Variants in AIG1 observed in about 807,000 individuals in gnomAD.
AIG1 encodes androgen-induced gene 1 protein.
In AIG1, 23 loss-of-function variants were observed where a neutral mutation model predicts 31.4. The ratio of observed to expected loss-of-function variants is 0.73; its 90% CI spans 0.53 to 1.04. The LOEUF is 1.04. Ranked by LOEUF, AIG1 falls within the 50% of genes least tolerant of loss-of-function variation. AIG1 has a pLI of 0.00. For missense variants in AIG1, 274 were observed against 295.0 expected (o/e 0.93, Z 0.52); for synonymous variants, 100 against 110.5 (o/e 0.90, Z 0.60).
rs374344989 is a variant in AIG1, at chr6:143,060,932, C to T, written c.7C>T (p.Leu3Phe). 6.2e-7 allele frequency: 1 copy of T among 1,609,328 alleles called. No homozygotes were observed. The highest frequency in any genetic ancestry group is 1.1e-5 in the South Asian group (1 of 90,914). Reference sequence around the variant, plus strand: ...GTCCAGGCCTCTGGCGAACATGGCGCTTGTCCCCTGCCAGGTGCTGCGGAT... The same window carrying T: ...GTCCAGGCCTCTGGCGAACATGGCGTTTGTCCCCTGCCAGGTGCTGCGGAT... MA[L>F]VPCQVLRMAI... Residue 3 changes from leucine to phenylalanine, a missense_variant, in exon 1 of 6, where the codon CTT becomes TTT. Physicochemically the swap from Leu to Phe is conservative, Grantham distance 22. Coordinates refer to ENST00000357847, the MANE Select transcript of AIG1 (RefSeq NM_016108.4).
Position 143,208,057 on chromosome 6 carries a change from T to C in AIG1, c.399+42874T>C, listed in dbSNP as rs536762599. Among the ~76,000 whole-genome samples the C allele has an allele frequency of 8.5e-5, 13 of 152,290 alleles. No homozygotes were observed. The South Asian group carries it at 2.7e-3, about 32-fold the overall frequency. ...TATGAAATGAGACCAGAATGCCATCTAAAGCGTGCTAAGGAATGCACTGTA... is the reference window on the plus strand; with the variant it reads ...TATGAAATGAGACCAGAATGCCATCCAAAGCGTGCTAAGGAATGCACTGTA... On this transcript the variant is annotated intron_variant, in intron 3 of 5. Coordinates refer to ENST00000357847, the MANE Select transcript of AIG1 (RefSeq NM_016108.4).
At chr6:143,263,943 C>G (rs1171331710) in intron 3 of AIG1, among the ~76,000 whole-genome samples, 1 of 152,128 alleles carries the variant, frequency 6.6e-6, no homozygotes, top group African/African-American at 2.4e-5. Flanking sequence ...GTTATTATTT[C>G]TTTAGCATAG....
At position 143,338,860 on chromosome 6, in the gene AIG1, G is replaced by A. The variant is rs949799776; in HGVS notation, c.680-779G>A. ...ATTGAAACAAAGAAACTGAGAATTT[G>A]GTATGATTCAAAAAATGTTTAGGTA... is the stretch of plus-strand genomic sequence containing the variant. On this transcript the variant is annotated intron_variant, in intron 5 of 5. Coordinates refer to ENST00000357847, the MANE Select transcript of AIG1 (RefSeq NM_016108.4). The surrounding 1 kb of genome is among the most constrained non-coding windows in gnomAD (Gnocchi z 4.3). 1 of 152,040 alleles carries A rather than the reference G, an allele frequency of 6.6e-6. No homozygotes were observed. The highest frequency in any genetic ancestry group is 2.4e-5 in the African/African-American group (1 of 41,408). 9.4% of individuals were successfully genotyped at this position (152,040 alleles called of 1,614,324 possible).
intron 4 of AIG1, among the ~76,000 whole-genome samples, chr6:143,290,997 G>T (rs1175273229): frequency 6.6e-6 from 1 of 152,068 alleles, no homozygotes; most frequent in Admixed American, 6.5e-5. Flanking sequence ...GGATCTAGGG[G>T]AGCTGTTGGG....
rs1798209577 is a variant in AIG1 at position 143,293,624 on chromosome 6, C to T, written c.515+9399C>T. 6.6e-6 allele frequency among the ~76,000 whole-genome samples: 1 copy of T among 152,134 alleles called. No homozygotes were observed. The highest frequency in any genetic ancestry group is 1.5e-5 in the Non-Finnish European group (1 of 68,014). On this transcript the variant is annotated intron_variant, in intron 4 of 5. Transcript: ENST00000357847. The surrounding 1 kb of genome is among the most constrained non-coding windows in gnomAD (Gnocchi z 4.8). ...GCTTGTGTATATAATCTGTCTCAAT[C>T]CCCAGTATTTATTATTCTGAGTTTT...
intron 4 of AIG1, among the ~76,000 whole-genome samples, chr6:143,286,265 C>T (rs1407959958): frequency 6.6e-6 from 1 of 152,146 alleles, no homozygotes; most frequent in African/African-American, 2.4e-5. Flanking sequence ...ACATAGTCCT[C>T]ATTATAGACC....
intron 3 of AIG1, among the ~76,000 whole-genome samples, chr6:143,192,715 T>A (rs1271528216): frequency 6.6e-6 from 1 of 151,986 alleles, no homozygotes; most frequent in Non-Finnish European, 1.5e-5. Flanking sequence ...CAGAAAGAAC[T>A]CCTGTCCTTG....
chr6:143,114,015 C>T (rs962169403), intron 1 of AIG1, among the ~76,000 whole-genome samples: 2 of 152,146 alleles, frequency 1.3e-5, no homozygotes, highest in African/African-American at 4.8e-5. Flanking sequence ...ACCTCGTGAT[C>T]CGCCTGCCTC....
intron 1 of AIG1, among the ~76,000 whole-genome samples, chr6:143,080,672 T>G (rs965418177): frequency 6.6e-6 from 1 of 152,048 alleles, no homozygotes; most frequent in African/African-American, 2.4e-5. Flanking sequence ...ACGATTCTAG[T>G]TACTTTCCTC....
chr6:143,271,284 G>A (rs1480055036), intron 3 of AIG1, among the ~76,000 whole-genome samples: 1 of 152,176 alleles, frequency 6.6e-6, no homozygotes, highest in South Asian at 2.1e-4. Flanking sequence ...CCTTGGAGAT[G>A]ATTCGTTTCT....
chr6:143,130,282 C>A (rs1037744965), intron 1 of AIG1, among the ~76,000 whole-genome samples: 4 of 151,840 alleles, frequency 2.6e-5, no homozygotes, highest in African/African-American at 9.7e-5. Context: ...TGCTGGCTAT[C>A]CTGAAGTTTG....
chr6:143,097,372 G>A (rs767844614), intron 1 of AIG1, among the ~76,000 whole-genome samples: 7 of 151,864 alleles, frequency 4.6e-5, no homozygotes, highest in South Asian at 2.1e-4. Context: ...AACCTTATAA[G>A]CACACCCCCA....
rs9399420 is a variant in AIG1, at chr6:143,102,411, T to C, written c.142-34424T>C. On this transcript the variant is annotated intron_variant, in intron 1 of 5. Transcript: ENST00000357847. ...GCCGGAAGGGAAGGACTTAAAACGT[T>C]TCATGAGATATTAAATGGAAATGCA... is the stretch of plus-strand genomic sequence containing the variant. Among the ~76,000 whole-genome samples, 421 of 148,872 alleles carry C rather than the reference T, an allele frequency of 2.8e-3. 9 individuals carry two copies. The East Asian group carries it at 0.05, about 18-fold the overall frequency.
At chr6:143,079,311 C>T (rs1045942167) in intron 1 of AIG1, among the ~76,000 whole-genome samples, 1 of 152,100 alleles carries the variant, frequency 6.6e-6, no homozygotes, top group Non-Finnish European at 1.5e-5. Context: ...AGGGGCTTCT[C>T]CTGGAGTTTT....
At chr6:143,304,095 A>C (rs1273616150) in intron 4 of AIG1, among the ~76,000 whole-genome samples, 1 of 151,024 alleles carries the variant, frequency 6.6e-6, no homozygotes, top group African/African-American at 2.4e-5. Flanking sequence ...GACTTTGCTG[A>C]AGTTGCTTAT....
intron 3 of AIG1, among the ~76,000 whole-genome samples, chr6:143,183,752 C>A (rs191997654): frequency 6.6e-6 from 1 of 152,264 alleles, no homozygotes; most frequent in East Asian, 1.9e-4. Context: ...ATCCTTAAAT[C>A]CATAGATATT....
intron 4 of AIG1, among the ~76,000 whole-genome samples, chr6:143,323,952 A>G (rs1017537761): frequency 2.0e-5 from 3 of 152,216 alleles, no homozygotes; most frequent in Non-Finnish European, 2.9e-5. Context: ...TTAGGTCTCA[A>G]GAGAGGGCCA....
chr6:143,113,926 C>G (rs1781515656), intron 1 of AIG1, among the ~76,000 whole-genome samples: 1 of 151,956 alleles, frequency 6.6e-6, no homozygotes, highest in Non-Finnish European at 1.5e-5. Context: ...AGGCACCCAC[C>G]ACCACGCCCG....
At chr6:143,196,342 A>G (rs1385499196) in intron 3 of AIG1, among the ~76,000 whole-genome samples, 1 of 132,096 alleles carries the variant, frequency 7.6e-6, no homozygotes, top group Non-Finnish European at 1.6e-5. Flanking sequence ...ATCAAAAGCA[A>G]CAAAAGCAAC....
Sources: allele counts gnomAD v4.1 joint callset (sites outside exome capture counted in the v4.1 genomes callset), GRCh38; gene constraint gnomAD v4.1.1; non-coding constraint Gnocchi (gnomAD v3.1); transcripts MANE v1.5; gene names NCBI Gene and HGNC (gene_info 2026-07-23, HGNC 2026-07-21).